Variants in ST3GAL1 observed in about 807,000 individuals in gnomAD.
ST3GAL1 encodes the protein CMP-N-acetylneuraminate-beta-galactosamide-alpha-2,3-sialyltransferase 1.
In ST3GAL1, 16 loss-of-function variants were observed where a neutral mutation model predicts 34.1. The ratio of observed to expected loss-of-function variants is 0.47; its 90% CI spans 0.32 to 0.71. The LOEUF is 0.71. Among genes scored for constraint, ST3GAL1 ranks in the 30% least tolerant of loss-of-function variants. The pLI is 0.04. For missense variants in ST3GAL1, 353 were observed against 447.4 expected (o/e 0.79, Z 1.90); for synonymous variants, 191 against 184.7 (o/e 1.03, Z -0.28).
chr8:133,516,356 C>T (rs1030311454), intron 2 of ST3GAL1: 1 of 152,232 alleles, frequency 6.6e-6, no homozygotes, highest in Non-Finnish European at 1.5e-5. Flanking sequence ...CAGTGCTATG[C>T]TTTTTGTACA....
intron 3 of ST3GAL1, among the ~76,000 whole-genome samples, chr8:133,494,209 C>A (rs1339891725): frequency 6.6e-6 from 1 of 152,190 alleles, no homozygotes; most frequent in Non-Finnish European, 1.5e-5. Flanking sequence ...AAGCAATGTT[C>A]TCCCTATTTT....
chr8:133,477,173 T>C (rs1459278517), intron 3 of ST3GAL1, among the ~76,000 whole-genome samples: 1 of 152,216 alleles, frequency 6.6e-6, no homozygotes, highest in African/African-American at 2.4e-5. Context: ...CAGTTTCTTC[T>C]TCTGCAAAGT....
At chr8:133,532,349 G>A (rs1014460501) in intron 2 of ST3GAL1, among the ~76,000 whole-genome samples, 41 of 152,100 alleles carry the variant, frequency 2.7e-4, no homozygotes, top group African/African-American at 9.6e-4. Flanking sequence ...GCATGCACCT[G>A]TAATCCCAGC....
chr8:133,496,731 CG>C (rs1015210587), intron 3 of ST3GAL1, among the ~76,000 whole-genome samples: 3 of 152,188 alleles, frequency 2.0e-5, no homozygotes, highest in African/African-American at 7.2e-5. Context: ...TTTCCTGAGA[CG>C]GGGACCAGGG....
At chr8:133,485,731 C>T (rs981585537) in intron 3 of ST3GAL1, among the ~76,000 whole-genome samples, 1 of 151,766 alleles carries the variant, frequency 6.6e-6, no homozygotes, top group Non-Finnish European at 1.5e-5. Context: ...CTTCCCATTC[C>T]CAGGGGCAGG....
Position 133,483,620 on chromosome 8 carries a change from CG to C in ST3GAL1, c.-373-7021del, listed in dbSNP as rs374355760. Among the ~76,000 whole-genome samples the C allele has an allele frequency of 2.7e-3, 404 of 152,258 alleles. 6 individuals carry two copies. The highest frequency in any genetic ancestry group is 7.7e-3 in the East Asian group (40 of 5,180). On this transcript the variant is annotated intron_variant, in intron 3 of 9. Transcript: ENST00000522652. ...GTATTACACAAATGATGATTCTGGC[CG>C]AATTCATTATTTGTGTGAATTCCTT... is the stretch of plus-strand genomic sequence containing the variant.
At chr8:133,551,654 A>G (rs1165205998) in intron 1 of ST3GAL1, among the ~76,000 whole-genome samples, 1 of 152,228 alleles carries the variant, frequency 6.6e-6, no homozygotes, top group Non-Finnish European at 1.5e-5. Flanking sequence ...TACTTTACTC[A>G]TTGGTAAAAT....
chr8:133,516,427 T>C (rs1248727060), intron 2 of ST3GAL1, among the ~76,000 whole-genome samples: 3 of 152,184 alleles, frequency 2.0e-5, no homozygotes, highest in African/African-American at 7.2e-5. Context: ...CCCTCATGCA[T>C]TCCTTTACAG....
intron 2 of ST3GAL1, among the ~76,000 whole-genome samples, chr8:133,518,917 G>A (rs1428360516): frequency 6.6e-6 from 1 of 152,192 alleles, no homozygotes; most frequent in East Asian, 1.9e-4. Context: ...GCAGTGCAAG[G>A]CTCTGGAGGA....
chr8:133,540,806 G>GACATATATATATAGACATATATGTAT lies in ST3GAL1; in HGVS notation c.-429+4967_-429+4968insATACATATATGTCTATATATATATGT, dbSNP rs1228189009. On this transcript the variant is annotated intron_variant, in intron 2 of 9. Coordinates refer to ENST00000522652, the MANE Select transcript of ST3GAL1 (RefSeq NM_173344.3). Reference sequence around the variant, plus strand: ...ATATATATATATAGACATATATATAGAGAGACATATATATATAGACATATA... The same window carrying GACATATATATATAGACATATATGTAT: ...ATATATATATATAGACATATATATAGACATATATATATAGACATATATGTATAGAGACATATATATATAGACATATA... Among the ~76,000 whole-genome samples, 71 of 87,956 alleles carry GACATATATATATAGACATATATGTAT rather than the reference G, an allele frequency of 8.1e-4. 2 individuals carry two copies. The highest frequency in any genetic ancestry group is 3.3e-3 in the African/African-American group (69 of 20,744). 57.7% of individuals were successfully genotyped at this position (87,956 alleles called of 152,430 possible).
intron 2 of ST3GAL1, among the ~76,000 whole-genome samples, chr8:133,509,177 C>A (rs1208590126): frequency 6.6e-6 from 1 of 152,200 alleles, no homozygotes; most frequent in Non-Finnish European, 1.5e-5. Flanking sequence ...AAATAATTAG[C>A]TAATTAACTA....
At chr8:133,547,062 C>G (rs546211152) in intron 1 of ST3GAL1, among the ~76,000 whole-genome samples, 4 of 151,556 alleles carry the variant, frequency 2.6e-5, no homozygotes, top group African/African-American at 7.3e-5. Context: ...ACCCTCAACT[C>G]TTAACCACTG....
chr8:133,547,945 C>A (rs1818717227), intron 1 of ST3GAL1, among the ~76,000 whole-genome samples: 2 of 152,148 alleles, frequency 1.3e-5, no homozygotes, highest in African/African-American at 4.8e-5. Context: ...GGAGAGACAA[C>A]AGCATTTAGT....
chr8:133,472,855 GA>G (rs143465666), intron 5 of ST3GAL1, among the ~76,000 whole-genome samples: 2,693 of 119,740 alleles, frequency 0.022, 43 homozygotes, highest in African/African-American at 0.056. Context: ...AATTAGTACT[GA>G]AAAAAAAAAA....
intron 2 of ST3GAL1, among the ~76,000 whole-genome samples, chr8:133,535,251 A>G (rs1372512336): frequency 6.6e-6 from 1 of 152,190 alleles, no homozygotes; most frequent in Non-Finnish European, 1.5e-5. Flanking sequence ...CATTATATCT[A>G]TATCTATATC....
At position 133,556,576 on chromosome 8, in the gene ST3GAL1, C is replaced by T. The variant is rs1200423847; in HGVS notation, c.-581-10650G>A. On this transcript the variant is annotated intron_variant, in intron 1 of 9. Transcript: ENST00000522652. This position sits in a 1 kb window ranked among gnomAD's most constrained non-coding sequence, Gnocchi z 8.9. ...TCTAAGCAACCTCAGCTAATGAAGG[C>T]TGCATAACTATGTACTTTCGAACAA... Among the ~76,000 whole-genome samples the T allele has an allele frequency of 2.0e-5, 3 of 152,066 alleles. No homozygotes were observed. Among genetic ancestry groups the T allele is most frequent in the Non-Finnish European group, 4.4e-5 (3 of 68,034 alleles).
chr8:133,552,030 C>T (rs1432650130), intron 1 of ST3GAL1, among the ~76,000 whole-genome samples: 1 of 152,208 alleles, frequency 6.6e-6, no homozygotes, highest in Non-Finnish European at 1.5e-5. Flanking sequence ...GGGACTAACA[C>T]AGTTTACTTG....
At chr8:133,465,757 TGGAGCCTGGG>T (rs1389597106) in intron 6 of ST3GAL1, 127 bp downstream of exon 6, 1 of 902,030 alleles carries the variant, frequency 1.1e-6, no homozygotes, top group East Asian at 2.5e-5. Flanking sequence ...GGGTGCAGTG[TGGAGCCTGGG>T]GTCCCTGGGT....
chr8:133,490,773 C>T (rs142476702), intron 3 of ST3GAL1, among the ~76,000 whole-genome samples: 5 of 152,278 alleles, frequency 3.3e-5, no homozygotes, highest in South Asian at 2.1e-4. Flanking sequence ...AAGGGGAGCC[C>T]GGCTGGCTTG....
Sources: allele counts gnomAD v4.1 joint callset (sites outside exome capture counted in the v4.1 genomes callset), GRCh38; gene constraint gnomAD v4.1.1; non-coding constraint Gnocchi (gnomAD v3.1); transcripts MANE v1.5; gene names NCBI Gene and HGNC (gene_info 2026-07-23, HGNC 2026-07-21).